CHCHD6: variants seen among roughly 807,000 people sequenced by gnomAD.
CHCHD6 encodes the protein MICOS complex subunit MIC25.
Under a neutral mutation model 32.3 loss-of-function variants are expected in CHCHD6, and 28 were observed. The ratio of observed to expected loss-of-function variants is 0.87; its 90% CI spans 0.64 to 1.19. The LOEUF (loss-of-function observed/expected upper bound fraction) is 1.19, where lower values mean the gene tolerates loss of function less well. Among genes scored for constraint, CHCHD6 ranks in the 50% most tolerant of loss-of-function variants. CHCHD6 has a pLI of 0.00. For missense variants in CHCHD6, 333 were observed against 307.0 expected, an observed-to-expected ratio of 1.08 and a Z score of -0.63; for synonymous variants, 122 against 117.5, an observed-to-expected ratio of 1.04 and a Z score of -0.25.
intron 2 of CHCHD6, among the ~76,000 whole-genome samples, chr3:126,727,837 A>C (rs1935608227): frequency 6.6e-6 from 1 of 152,226 alleles, no homozygotes; most frequent in South Asian, 2.1e-4. Context: ...AACACAAGGA[A>C]ATAAAATTTT....
At chr3:126,886,983 G>A (rs1371864378) in intron 5 of CHCHD6, among the ~76,000 whole-genome samples, 1 of 152,166 alleles carries the variant, frequency 6.6e-6, no homozygotes. Flanking sequence ...TTGCTCATTG[G>A]CTTTCTAGGC....
chr3:126,871,477 C>T (rs954816624), intron 5 of CHCHD6, among the ~76,000 whole-genome samples: 2 of 152,050 alleles, frequency 1.3e-5, no homozygotes, highest in Non-Finnish European at 2.9e-5. Flanking sequence ...AGGGGTTTCA[C>T]TCCTAGAAGC....
chr3:126,736,573 A>G (rs1414786312), intron 4 of CHCHD6, among the ~76,000 whole-genome samples: 1 of 152,248 alleles, frequency 6.6e-6, no homozygotes, highest in Non-Finnish European at 1.5e-5. Flanking sequence ...GGATTGGTCC[A>G]TCTTATTATT....
At chr3:126,803,607 A>T (rs1039869380) in intron 4 of CHCHD6, among the ~76,000 whole-genome samples, 1 of 152,184 alleles carries the variant, frequency 6.6e-6, no homozygotes, top group African/African-American at 2.4e-5. Context: ...CTCCCACACA[A>T]TAATAATGGG....
At chr3:126,802,055 C>T (rs1380460217) in intron 4 of CHCHD6, among the ~76,000 whole-genome samples, 2 of 152,188 alleles carry the variant, frequency 1.3e-5, no homozygotes, top group Admixed American at 6.5e-5. Flanking sequence ...ACACCAAAAA[C>T]GCATCTGTAC....
rs544853450 is a variant in CHCHD6 at position 126,907,826 on chromosome 3, C to T, written c.496-6854C>T. On this transcript the variant is annotated intron_variant, in intron 5 of 7. Coordinates refer to ENST00000290913, the MANE Select transcript of CHCHD6 (RefSeq NM_032343.3). ...GGATCCTGGGCTGCACATTTTTCTACGTGGAACCATGTGCTGGCATCTGCG... is the reference window on the plus strand; with the variant it reads ...GGATCCTGGGCTGCACATTTTTCTATGTGGAACCATGTGCTGGCATCTGCG... Among the ~76,000 whole-genome samples, 143 of 152,308 alleles carry T rather than the reference C, an allele frequency of 9.4e-4. 1 individual carries two copies. The highest frequency in any genetic ancestry group is 3.3e-3 in the African/African-American group (139 of 41,560).
At chr3:126,936,528 A>G (rs1576624650) in intron 6 of CHCHD6, among the ~76,000 whole-genome samples, 1 of 152,322 alleles carries the variant, frequency 6.6e-6, no homozygotes, top group East Asian at 1.9e-4. Context: ...ATATTTTGTC[A>G]AATACATTAT....
chr3:126,863,542 TCC>T (rs1942057890), intron 5 of CHCHD6, among the ~76,000 whole-genome samples: 1 of 111,468 alleles, frequency 9.0e-6, no homozygotes. Context: ...CTCCTCCTCC[TCC>T]ACCATCACCA....
chr3:126,754,624 T>G (rs1936875460), intron 4 of CHCHD6, among the ~76,000 whole-genome samples: 1 of 152,234 alleles, frequency 6.6e-6, no homozygotes, highest in Non-Finnish European at 1.5e-5. Context: ...ACAGCTCGGC[T>G]TCCGAAGTGA....
At chr3:126,858,416 C>T (rs1056618981) in intron 5 of CHCHD6, among the ~76,000 whole-genome samples, 9 of 152,088 alleles carry the variant, frequency 5.9e-5, no homozygotes, top group Non-Finnish European at 1.2e-4. Flanking sequence ...AGTCGGCACA[C>T]GAGGCTTCAT....
At chr3:126,861,516 C>G (rs947346852) in intron 5 of CHCHD6, among the ~76,000 whole-genome samples, 2 of 151,746 alleles carry the variant, frequency 1.3e-5, no homozygotes, top group African/African-American at 4.9e-5. Context: ...CCACTGCCAC[C>G]GCCACCACTA....
At chr3:126,840,331 T>C (rs1429981387) in intron 4 of CHCHD6, among the ~76,000 whole-genome samples, 1 of 152,112 alleles carries the variant, frequency 6.6e-6, no homozygotes, top group Non-Finnish European at 1.5e-5. Context: ...TTGCACAACT[T>C]TGTGAATGTA....
chr3:126,717,850 G>C (rs1408856040), intron 1 of CHCHD6, among the ~76,000 whole-genome samples: 1 of 152,118 alleles, frequency 6.6e-6, no homozygotes, highest in Non-Finnish European at 1.5e-5. Flanking sequence ...ACTGTCTGTG[G>C]GCCTTCACTA....
rs1938988171 is a variant in CHCHD6 at position 126,800,000 on chromosome 3, T to G, written c.412-52647T>G. Among the ~76,000 whole-genome samples the G allele has an allele frequency of 2.0e-5, 3 of 152,358 alleles. No homozygotes were observed. In the South Asian group the frequency reaches 6.2e-4, roughly 32 times the overall value. On this transcript the variant is annotated intron_variant, in intron 4 of 7. Coordinates refer to ENST00000290913, the MANE Select transcript of CHCHD6 (RefSeq NM_032343.3). ...TCATAATTGGATATGCATAATTTAT[T>G]TAACCAATTATCTATTATTATATAC...
intron 6 of CHCHD6, among the ~76,000 whole-genome samples, chr3:126,931,313 A>G (rs2078401772): frequency 6.6e-6 from 1 of 152,226 alleles, no homozygotes; most frequent in South Asian, 2.1e-4. Flanking sequence ...GAGGTTCAGC[A>G]CATGAAGGTG....
At chr3:126,889,812 C>T (rs1255201374) in intron 5 of CHCHD6, among the ~76,000 whole-genome samples, 1 of 152,206 alleles carries the variant, frequency 6.6e-6, no homozygotes, top group Non-Finnish European at 1.5e-5. Context: ...CCACAGCAAC[C>T]CCAGCAGATG....
intron 6 of CHCHD6, among the ~76,000 whole-genome samples, chr3:126,947,804 A>G (rs898586658): frequency 6.6e-6 from 1 of 152,204 alleles, no homozygotes. Flanking sequence ...CTCCCAGTGC[A>G]GAAGACTTCC....
intron 4 of CHCHD6, among the ~76,000 whole-genome samples, chr3:126,816,693 GTTAT>G (rs1042970875): frequency 5.9e-5 from 9 of 152,128 alleles, no homozygotes; most frequent in Admixed American, 2.6e-4. Context: ...AGGGGAACTT[GTTAT>G]TTATTTATTT....
intron 4 of CHCHD6, among the ~76,000 whole-genome samples, chr3:126,796,318 C>T (rs1374093907): frequency 6.6e-6 from 1 of 152,184 alleles, no homozygotes. Context: ...CCACTGCACT[C>T]CAGCCTGAGC....
Sources: gnomAD v4.1 joint callset for allele counts (sites outside exome capture counted in the v4.1 genomes callset) on GRCh38, gnomAD v4.1.1 for gene constraint, MANE v1.5 for transcripts, NCBI Gene and HGNC (gene_info 2026-07-23, HGNC 2026-07-21) for gene names.